Variants in GSE1 observed in about 807,000 individuals in gnomAD.
The protein encoded by GSE1 is genetic suppressor element 1.
In GSE1, 32 loss-of-function variants were observed where a neutral mutation model predicts 112.6. The observed-to-expected ratio is 0.28, with a 90% confidence interval of 0.21 to 0.38. The LOEUF is 0.38. Among genes scored for constraint, GSE1 ranks in the 10% least tolerant of loss-of-function variants. The probability of loss-of-function intolerance (pLI) is 1.00; values close to 1 mark genes in which losing one functional copy is unlikely to be tolerated. For missense variants in GSE1, 2,348 were observed against 1,699.2 expected (o/e 1.38, Z -6.71); for synonymous variants, 1,115 against 735.6 (o/e 1.52, Z -8.35).
intron 1 of GSE1, among the ~76,000 whole-genome samples, chr16:85,181,715 G>C (rs1375787620): frequency 6.6e-6 from 1 of 152,222 alleles, no homozygotes; most frequent in African/African-American, 2.4e-5. Flanking sequence ...CAGCTGAAAA[G>C]TGGCGTGGGG....
chr16:85,385,179 C>T (rs2151630793), intron 2 of GSE1, among the ~76,000 whole-genome samples: 1 of 152,366 alleles, frequency 6.6e-6, no homozygotes, highest in East Asian at 1.9e-4. Flanking sequence ...TGGGGCAGGG[C>T]ACCCGCAGCA....
exon 1 of GSE1, chr16:85,556,243 C>T (rs1339150974): frequency 1.0e-6 from 1 of 984,518 alleles, no homozygotes. Context: ...GTGGCTTGAA[C>T]GGTGCTTTTT....
At chr16:85,315,971 GGCTGGTGCCCATGGT>G (rs897577692) in intron 1 of GSE1, among the ~76,000 whole-genome samples, 7 of 152,222 alleles carry the variant, frequency 4.6e-5, no homozygotes, top group African/African-American at 1.2e-4. Flanking sequence ...GGAGGGGCAG[GGCTGGTGCCCATGGT>G]GCCCCTGCTG....
chr16:85,280,038 AC>A (rs1237914271), intron 1 of GSE1, among the ~76,000 whole-genome samples: 2 of 152,152 alleles, frequency 1.3e-5, no homozygotes, highest in Non-Finnish European at 2.9e-5. Flanking sequence ...TTCTCCTTTC[AC>A]CCAAAGGTTG....
At chr16:85,656,929 TTTTA>T (rs1443403975) in intron 7 of GSE1, among the ~76,000 whole-genome samples, 2 of 152,240 alleles carry the variant, frequency 1.3e-5, no homozygotes, top group African/African-American at 4.8e-5. Flanking sequence ...GCTTCGTTGA[TTTTA>T]TTTCTCTGTA....
At chr16:85,371,368 G>A (rs751966988) in intron 2 of GSE1, among the ~76,000 whole-genome samples, 1 of 152,222 alleles carries the variant, frequency 6.6e-6, no homozygotes, top group African/African-American at 2.4e-5. Context: ...GACAGAAGAC[G>A]GAGATAGCAA....
intron 2 of GSE1, among the ~76,000 whole-genome samples, chr16:85,385,449 T>C (rs2047666935): frequency 6.6e-6 from 1 of 151,982 alleles, no homozygotes; most frequent in East Asian, 2.0e-4. Flanking sequence ...GAGACCGGGC[T>C]GGGTGGGACA....
At chr16:85,293,549 CA>C (rs79504988) in intron 1 of GSE1, among the ~76,000 whole-genome samples, 5 of 151,618 alleles carry the variant, frequency 3.3e-5, no homozygotes, top group Admixed American at 2.0e-4. Flanking sequence ...GATTCCATTT[CA>C]AAAAAAAATT....
intron 2 of GSE1, among the ~76,000 whole-genome samples, chr16:85,421,721 C>G (rs920431831): frequency 3.9e-5 from 6 of 152,124 alleles, no homozygotes; most frequent in Non-Finnish European, 8.8e-5. Context: ...CCTCGGGGAA[C>G]CAAGGGCTGG....
At chr16:85,592,780 C>T (rs2047055624) in intron 1 of GSE1, 1 of 152,398 alleles carries the variant, frequency 6.6e-6, no homozygotes, top group African/African-American at 2.4e-5. Context: ...GTTACTGAAC[C>T]TCTCTGTGCC....
intron 2 of GSE1, among the ~76,000 whole-genome samples, chr16:85,413,724 C>T (rs1489460722): frequency 6.6e-6 from 1 of 152,090 alleles, no homozygotes; most frequent in African/African-American, 2.4e-5. Flanking sequence ...ATGGTTACTC[C>T]CAGAACCTCC....
At chr16:85,429,079 T>C (rs1173495977) in intron 2 of GSE1, among the ~76,000 whole-genome samples, 1 of 152,202 alleles carries the variant, frequency 6.6e-6, no homozygotes, top group Non-Finnish European at 1.5e-5. Flanking sequence ...CTCCGCACGC[T>C]GCATCACTCA....
At chr16:85,448,980 G>C (rs61471682) in intron 2 of GSE1, among the ~76,000 whole-genome samples, 16,237 of 152,096 alleles carry the variant, frequency 0.11, 1,332 homozygotes, top group African/African-American at 0.23. Context: ...CCCTCCACCC[G>C]CTCAGCCCTC....
At chr16:85,584,388 C>T (rs1567615253) in intron 1 of GSE1, among the ~76,000 whole-genome samples, 1 of 152,158 alleles carries the variant, frequency 6.6e-6, no homozygotes, top group Non-Finnish European at 1.5e-5. Flanking sequence ...GCGGAGCACA[C>T]CCCGCCTTCC....
intron 2 of GSE1, among the ~76,000 whole-genome samples, chr16:85,517,796 C>T (rs1006036080): frequency 2.6e-5 from 4 of 152,254 alleles, no homozygotes; most frequent in Admixed American, 6.5e-5. Context: ...AGCCAGTGTC[C>T]GCCTCATGGC....
chr16:85,618,058 C>G (rs535484376), intron 1 of GSE1, among the ~76,000 whole-genome samples: 1 of 152,270 alleles, frequency 6.6e-6, no homozygotes, highest in Admixed American at 6.5e-5. Context: ...CTTACAAATG[C>G]AGAGTCCCAC....
Position 85,657,593 on chromosome 16 carries a change from G to C in GSE1, c.1629G>C (p.Glu543Asp). The part of the protein sequence containing the change: ...PVPAEAEHRP[E>D]STTRPGPNRH... Reference sequence around the variant, plus strand: ...CGGCGGAGGCAGAGCACAGGCCGGAGAGCACCACCAGGTGAGTGAGCCCCA... The same window carrying C: ...CGGCGGAGGCAGAGCACAGGCCGGACAGCACCACCAGGTGAGTGAGCCCCA... Residue 543 changes from glutamate to aspartate, a missense_variant, in exon 8 of 16, where the codon GAG (glutamate) becomes GAC (aspartate). Glu to Asp is a conservative substitution (Grantham distance 45). Transcript: ENST00000253458. The C allele has an allele frequency of 6.5e-7, 1 of 1,532,632 alleles. No individual in the cohort carries two copies. The highest frequency in any genetic ancestry group is 8.8e-7 in the Non-Finnish European group (1 of 1,140,850). The allele number at this position is 1,532,632 out of a possible 1,614,324, so 94.9% of individuals were successfully genotyped here.
At chr16:85,235,716 C>T (rs1904562093) in intron 1 of GSE1, among the ~76,000 whole-genome samples, 2 of 151,822 alleles carry the variant, frequency 1.3e-5, no homozygotes, top group African/African-American at 4.8e-5. Flanking sequence ...CTGGCCCCTT[C>T]CCCTCTGCGG....
At chr16:85,613,663 TG>T (rs898609867) in intron 1 of GSE1, among the ~76,000 whole-genome samples, 76 of 41,766 alleles carry the variant, frequency 1.8e-3, no homozygotes, top group Middle Eastern at 0.018. Flanking sequence ...CAGCGGGGGA[TG>T]GGGGGGGTGC....
Sources: gnomAD v4.1 joint callset for allele counts (sites outside exome capture counted in the v4.1 genomes callset) on GRCh38, gnomAD v4.1.1 for gene constraint, MANE v1.5 for transcripts, NCBI Gene and HGNC (gene_info 2026-07-23, HGNC 2026-07-21) for gene names.